IFT88: variants seen among roughly 807,000 people sequenced by gnomAD.
IFT88 encodes the protein intraflagellar transport protein 88 homolog.
In IFT88, 74 loss-of-function variants were observed where a neutral mutation model predicts 119.5. The observed-to-expected ratio is 0.62, with a 90% CI of 0.51 to 0.75. The LOEUF (loss-of-function observed/expected upper bound fraction) is 0.75, where lower values mean the gene tolerates loss of function less well. Among genes scored for constraint, IFT88 ranks in the 30% least tolerant of loss-of-function variants. IFT88 has a pLI of 0.00. For missense variants in IFT88, 961 were observed against 977.7 expected (o/e 0.98, Z 0.23); for synonymous variants, 279 against 316.7 (o/e 0.88, Z 1.26).
intron 1 of IFT88, among the ~76,000 whole-genome samples, chr13:20,568,202 G>T (rs2035349958): frequency 6.6e-6 from 1 of 151,922 alleles, no homozygotes; most frequent in African/African-American, 2.4e-5. Context: ...GGTTTTGCCA[G>T]CATTTGATTT....
rs572296570 is a variant in IFT88, at chr13:20,652,143, TGATGGTTGC to T, written c.1950-1732_1950-1724del. On this transcript the variant is annotated intron_variant, in intron 20 of 25. Transcript: ENST00000351808. ...TCATAAAATGTTTTGGAGATCGTGG[TGATGGTTGC>T]ACAACATTGTGAATGTGATAAATGC... is the stretch of plus-strand genomic sequence containing the variant. Among the ~76,000 whole-genome samples the T allele has an allele frequency of 4.2e-4, 64 of 152,324 alleles. No individual in the cohort carries two copies. The South Asian group carries it at 6.0e-3, about 14-fold the overall frequency.
intron 24 of IFT88, among the ~76,000 whole-genome samples, chr13:20,678,586 G>A (rs564894090): frequency 2.0e-5 from 3 of 152,308 alleles, no homozygotes; most frequent in South Asian, 2.1e-4. Context: ...TTTCCGCTCC[G>A]GAGGGGCCAG....
chr13:20,639,786 C>CTTTTT (rs34190452), intron 17 of IFT88, among the ~76,000 whole-genome samples: 4 of 109,456 alleles, frequency 3.7e-5, no homozygotes, highest in Admixed American at 1.1e-4. Context: ...TAAAATTTGT[C>CTTTTT]TTTTTTTTTT....
In IFT88 at chr13:20,601,805, C is replaced by A. The variant is rs1428577956; in HGVS notation, c.913C>A (p.Leu305Met). 6.2e-7 allele frequency: 1 copy of A among 1,613,442 alleles called. No individual in the cohort carries two copies. Among genetic ancestry groups the A allele is most frequent in the Non-Finnish European group, 8.5e-7 (1 of 1,179,432 alleles). Residue 305 changes from leucine to methionine, a missense_variant, in exon 12 of 26, where the codon CTG becomes ATG. Coordinates refer to ENST00000351808, the MANE Select transcript of IFT88 (RefSeq NM_006531.5). ...YEHIMSMAPN[L>M]KAGYNLTICY... ...GCACATAATGAGCATGGCACCAAAT[C>A]TGAAGGCAGGCTACAACCTAACTAT...
intron 13 of IFT88, among the ~76,000 whole-genome samples, chr13:20,606,385 C>A (rs573175763): frequency 9.7e-4 from 148 of 152,250 alleles, no homozygotes; most frequent in African/African-American, 3.4e-3. Context: ...AACTCCCACC[C>A]TGCCCAATAG....
chr13:20,630,223 T>C (rs1566266950), intron 15 of IFT88, among the ~76,000 whole-genome samples: 2 of 152,224 alleles, frequency 1.3e-5, no homozygotes, highest in East Asian at 3.8e-4. Flanking sequence ...TTGTGTTCTT[T>C]TCTAGGAACA....
chr13:20,615,958 C>A, intron 14 of IFT88, 79 bp downstream of exon 14: 1 of 728,690 alleles, frequency 1.4e-6, no homozygotes. Flanking sequence ...TTAATATTGT[C>A]ATTAGAAAAG....
chr13:20,604,407 G>A (rs2043090360), intron 12 of IFT88, among the ~76,000 whole-genome samples: 1 of 152,162 alleles, frequency 6.6e-6, no homozygotes, highest in South Asian at 2.1e-4. Flanking sequence ...AGTAATTGAT[G>A]ATTGAAGCAT....
intron 15 of IFT88, among the ~76,000 whole-genome samples, 190 bp downstream of exon 15, chr13:20,626,039 G>GT (rs2047242882): frequency 1.6e-5 from 1 of 62,436 alleles, no homozygotes; most frequent in Non-Finnish European, 3.1e-5. Context: ...CCTGTTTGTC[G>GT]TTTCTTTTTT....
chr13:20,598,799 A>G (rs377379811), intron 10 of IFT88, 46 bp downstream of exon 10: 4 of 1,124,210 alleles, frequency 3.6e-6, no homozygotes, highest in East Asian at 2.4e-5. Flanking sequence ...ATTCTTTCGT[A>G]GTGTTAATTT....
intron 22 of IFT88, among the ~76,000 whole-genome samples, chr13:20,657,054 T>G (rs993624844): frequency 4.6e-5 from 7 of 152,174 alleles, no homozygotes; most frequent in African/African-American, 7.2e-5. Flanking sequence ...AGACGGGTTT[T>G]ACTATGTTGG....
chr13:20,652,236 T>C (rs1330480495), intron 20 of IFT88, among the ~76,000 whole-genome samples: 1 of 152,218 alleles, frequency 6.6e-6, no homozygotes, highest in East Asian at 1.9e-4. Context: ...GTATATATTT[T>C]ATCATAATTT....
Position 20,615,811 on chromosome 13 carries a change from A to G in IFT88, c.1131A>G (p.Lys377=). The change falls in exon 14 of 26, where the codon AAA becomes AAG. Residue 377 remains lysine, a synonymous_variant. Transcript: ENST00000351808. The stretch of plus-strand genomic sequence containing the variant: ...GATATAGGAAAGCCATGGCAGAAAA[A>G]TATATTATGACATCTGCAAAACTCA... ...MERERKAMAE[K]YIMTSAKLIA... is the part of the protein sequence containing the mutation. The G allele has an allele frequency of 6.2e-7, 1 of 1,600,902 alleles. No individual in the cohort carries two copies. Among genetic ancestry groups the G allele is most frequent in the Non-Finnish European group, 8.5e-7 (1 of 1,174,072 alleles).
At chr13:20,689,743 T>C (rs1482148393) in intron 24 of IFT88, among the ~76,000 whole-genome samples, 1 of 152,130 alleles carries the variant, frequency 6.6e-6, no homozygotes, top group Non-Finnish European at 1.5e-5. Flanking sequence ...AGGTAGGATA[T>C]ACATTATTCA....
intron 23 of IFT88, among the ~76,000 whole-genome samples, chr13:20,668,361 T>C (rs1340997182): frequency 8.1e-6 from 1 of 123,408 alleles, no homozygotes; most frequent in Non-Finnish European, 2.0e-5. Context: ...ACAGTTGAGA[T>C]TTCTTTTTTT....
chr13:20,567,858 T>A, intron 1 of IFT88: 1 of 1,016,592 alleles, frequency 9.8e-7, no homozygotes, highest in Non-Finnish European at 1.4e-6. Flanking sequence ...GTTGTGAGTT[T>A]TTTTTGTTTG....
Position 20,574,424 on chromosome 13 carries a change from A to G in IFT88, c.39A>G (p.Glu13=). The G allele has an allele frequency of 6.2e-7, 1 of 1,612,332 alleles. No homozygotes were observed. Among genetic ancestry groups the G allele is most frequent in the South Asian group, 1.1e-5 (1 of 90,790 alleles). The stretch of plus-strand genomic sequence containing the variant: ...TGCACCTGGCTCCAGAGACAGATGA[A>G]GATGATCTTTATTCCGGCTATAATG... ...QNVHLAPETD[E]DDLYSGYNDY... Residue 13 remains glutamate (E), a synonymous_variant, in exon 2 of 26, where the codon GAA becomes GAG. Coordinates refer to ENST00000351808, the MANE Select transcript of IFT88 (RefSeq NM_006531.5).
intron 19 of IFT88, among the ~76,000 whole-genome samples, 172 bp downstream of exon 19, chr13:20,643,777 A>G (rs1406936994): frequency 6.6e-6 from 1 of 152,218 alleles, no homozygotes; most frequent in African/African-American, 2.4e-5. Context: ...GTTTTGAGAT[A>G]GAGTCTTGCT....
intron 13 of IFT88, chr13:20,607,121 C>G (rs1456713190): frequency 1.0e-5 from 4 of 396,068 alleles, no homozygotes; most frequent in Non-Finnish European, 2.1e-5. Context: ...CTTCCTGTTC[C>G]CGGTGACTGT....
Sources: allele counts gnomAD v4.1 joint callset (sites outside exome capture counted in the v4.1 genomes callset), GRCh38; gene constraint gnomAD v4.1.1; transcripts MANE v1.5; gene names NCBI Gene and HGNC (gene_info 2026-07-23, HGNC 2026-07-21).